CACNA1S: variants seen among roughly 807,000 people sequenced by gnomAD.
CACNA1S encodes the protein calcium voltage-gated channel subunit alpha1 S.
Under a neutral mutation model 207.4 loss-of-function variants are expected in CACNA1S, and 126 were observed. That is an observed-to-expected ratio of 0.61 (90% confidence interval 0.53 to 0.70). CACNA1S has a LOEUF of 0.70. Among genes scored for constraint, CACNA1S ranks in the 30% least tolerant of loss-of-function variants. The pLI is 0.00. For missense variants in CACNA1S, 2,349 were observed against 2,422.8 expected, an observed-to-expected ratio of 0.97 and a Z score of 0.64; for synonymous variants, 960 against 932.7, an observed-to-expected ratio of 1.03 and a Z score of -0.53.
rs371339601 is a variant in CACNA1S at position 201,066,877 on chromosome 1, C to G, written c.2657+10G>C. The G allele has an allele frequency of 1.9e-6, 3 of 1,606,636 alleles. No individual in the cohort carries two copies. Among genetic ancestry groups the G allele is most frequent in the South Asian group, 2.2e-5 (2 of 90,834 alleles). On this transcript the variant is annotated intron_variant, in intron 20 of 43. Coordinates refer to ENST00000362061, the MANE Select transcript of CACNA1S (RefSeq NM_000069.3). The surrounding 1 kb of genome is among the most constrained non-coding windows in gnomAD (Gnocchi z 4.3). ...GTCTGTGCCCAGGGCTGGCCCTTGCCGCTGCTCACTCAAGTCCCATGGAGA... is the reference window on the plus strand; with the variant it reads ...GTCTGTGCCCAGGGCTGGCCCTTGCGGCTGCTCACTCAAGTCCCATGGAGA...
chr1:201,064,315 C>G (rs570832569), intron 22 of CACNA1S, among the ~76,000 whole-genome samples: 1 of 152,184 alleles, frequency 6.6e-6, no homozygotes, highest in African/African-American at 2.4e-5. Context: ...GAAGGCTGCA[C>G]GCAGCTGGCA....
chr1:201,052,750 C>A, intron 31 of CACNA1S, 102 bp from the exon 32 acceptor site: 1 of 968,338 alleles, frequency 1.0e-6, no homozygotes, highest in Admixed American at 1.8e-5. Flanking sequence ...TTCGCCCCTA[C>A]TTCCCCAAAA....
intron 17 of CACNA1S, among the ~76,000 whole-genome samples, chr1:201,069,928 C>A (rs1345521223): frequency 1.3e-5 from 2 of 152,120 alleles, no homozygotes; most frequent in African/African-American, 2.4e-5. Context: ...ACAGATGAAA[C>A]TCCACAGAGA....
chr1:201,098,903 C>G (rs927955788), intron 2 of CACNA1S, among the ~76,000 whole-genome samples: 4 of 152,220 alleles, frequency 2.6e-5, no homozygotes, highest in African/African-American at 9.7e-5. Context: ...CTAACTGGTG[C>G]TCCCTGGGGC....
At chr1:201,112,079 A>C (rs1663135404) in intron 1 of CACNA1S, 109 bp downstream of exon 1, 1 of 1,106,558 alleles carries the variant, frequency 9.0e-7, no homozygotes, top group Non-Finnish European at 1.3e-6. Flanking sequence ...CCCATGTCTA[A>C]GTGCCAGGCC....
In CACNA1S at chr1:201,053,434, G is replaced by C. The variant is rs200703531; in HGVS notation, c.3795+25C>G. The C allele has an allele frequency of 3.6e-5, 58 of 1,614,120 alleles. No homozygotes were observed. The African/African-American group carries it at 5.5e-4, about 15-fold the overall frequency. On this transcript the variant is annotated intron_variant, in intron 30 of 43. Transcript: ENST00000362061. This position sits in a 1 kb window ranked among gnomAD's most constrained non-coding sequence, Gnocchi z 5.1. ...TCCCTAGTGGCCTCCCCAGGTACGT[G>C]CAGTTTCCAGGGTCCCTGTTGCACC... is the stretch of plus-strand genomic sequence containing the variant.
In CACNA1S at chr1:201,085,437, T is replaced by C. The variant is rs544185379; in HGVS notation, c.1149A>G (p.Glu383=). The C allele has an allele frequency of 6.2e-7, 1 of 1,613,640 alleles. No individual in the cohort carries two copies. ...TGACCACAGCCTTTGGGCCCAAACC[T>C]TCTCTGAAGTCCTCAACATCCATGA... ...GEVMDVEDFR[E]GKLSLDEGGS... The change falls in exon 8 of 44, where the codon GAA becomes GAG. Residue 383 remains glutamate, a splice_region_variant and synonymous_variant. Transcript: ENST00000362061.
chr1:201,076,102 A>G (rs1661605711), intron 12 of CACNA1S, among the ~76,000 whole-genome samples: 1 of 152,190 alleles, frequency 6.6e-6, no homozygotes, highest in Non-Finnish European at 1.5e-5. Context: ...CCAGTGATCT[A>G]GAAGCTTATT....
chr1:201,047,418 A>T (rs779902103), intron 37 of CACNA1S, 107 bp downstream of exon 37: 4 of 1,243,430 alleles, frequency 3.2e-6, no homozygotes, highest in Non-Finnish European at 4.7e-6. Context: ...TAAGGCATTT[A>T]TGGAGGATCT....
chr1:201,061,124 G>A lies in CACNA1S; in HGVS notation c.3255+143C>T. The A allele has an allele frequency of 1.2e-5, 9 of 735,404 alleles. No individual in the cohort carries two copies. In the South Asian group the frequency reaches 1.4e-4, roughly 12 times the overall value. The allele number at this position is 735,404 out of a possible 1,614,324, so 45.6% of individuals were successfully genotyped here. A position where few individuals can be genotyped will look rare whatever the true frequency, so the allele number is the denominator to read the frequency against. On this transcript the variant is annotated intron_variant, in intron 25 of 43. Coordinates refer to ENST00000362061, the MANE Select transcript of CACNA1S (RefSeq NM_000069.3). ...TTGCTTCAGTTTGGAGATAGGGTAG[G>A]GTGCATGGAGGCTAGGGCTTGGCAT...
chr1:201,055,738 T>TCAGGTACCTGTACATCAG (rs1259564368), intron 28 of CACNA1S, among the ~76,000 whole-genome samples: 2 of 152,182 alleles, frequency 1.3e-5, no homozygotes, highest in Non-Finnish European at 2.9e-5. Flanking sequence ...ACATCAGGTA[T>TCAGGTACCTGTACATCAG]GTAAATCAAT....
intron 38 of CACNA1S, among the ~76,000 whole-genome samples, chr1:201,045,862 A>G (rs898957360): frequency 2.6e-5 from 4 of 152,172 alleles, no homozygotes; most frequent in African/African-American, 9.6e-5. Context: ...AATACACACA[A>G]TGCCTTGAAA....
chr1:201,058,371 C>T, intron 28 of CACNA1S, 37 bp downstream of exon 28: 2 of 1,559,552 alleles, frequency 1.3e-6, no homozygotes, highest in Non-Finnish European at 1.8e-6. Flanking sequence ...TGCTCTTGGG[C>T]CCACCCTAGT....
chr1:201,054,300 G>C (rs911357728), intron 29 of CACNA1S, among the ~76,000 whole-genome samples: 2 of 152,150 alleles, frequency 1.3e-5, no homozygotes, highest in African/African-American at 4.8e-5. Flanking sequence ...AGGGCTCTGA[G>C]GAAGCCGCTA....
intron 3 of CACNA1S, 96 bp from the exon 4 acceptor site, chr1:201,092,210 T>C: frequency 1.4e-6 from 2 of 1,404,664 alleles, no homozygotes; most frequent in South Asian, 1.2e-5. Context: ...CTTGAGCACC[T>C]GTGGAAAGGC....
At chr1:201,050,913 G>A in intron 33 of CACNA1S, 71 bp downstream of exon 33, 1 of 1,504,350 alleles carries the variant, frequency 6.6e-7, no homozygotes, top group Non-Finnish European at 9.2e-7. Context: ...GCCAGGAAGG[G>A]GCAGGCAGGC....
Position 201,072,838 on chromosome 1 carries a change from C to A in CACNA1S, c.2158-14G>T, listed in dbSNP as rs780867598. The A allele has an allele frequency of 6.2e-7, 1 of 1,606,678 alleles. No homozygotes were observed. The highest frequency in any genetic ancestry group is 8.5e-7 in the Non-Finnish European group (1 of 1,173,292). On this transcript the variant is annotated splice_polypyrimidine_tract_variant and intron_variant, in intron 15 of 43. Coordinates refer to ENST00000362061, the MANE Select transcript of CACNA1S (RefSeq NM_000069.3). ...ATCGATTTTCAGCTGTAGGAAGGAACACAATGACTATAACAATGAAAAAGA... is the reference window on the plus strand; with the variant it reads ...ATCGATTTTCAGCTGTAGGAAGGAAAACAATGACTATAACAATGAAAAAGA...
chr1:201,065,984 C>A, intron 21 of CACNA1S, 39 bp from the exon 22 acceptor site: 1 of 1,406,028 alleles, frequency 7.1e-7, no homozygotes, highest in Non-Finnish European at 1.0e-6. Flanking sequence ...GGGGTGCACC[C>A]ACAGTAACCC....
At chr1:201,043,676 A>C in intron 39 of CACNA1S, 145 bp from the exon 40 acceptor site, 1 of 735,080 alleles carries the variant, frequency 1.4e-6, no homozygotes, top group Non-Finnish European at 2.2e-6. Context: ...CTGAGTGGTG[A>C]GATCAAAAGA....
Sources: gnomAD v4.1 joint callset for allele counts (sites outside exome capture counted in the v4.1 genomes callset) on GRCh38, gnomAD v4.1.1 for gene constraint, Gnocchi (gnomAD v3.1) non-coding constraint, MANE v1.5 for transcripts, NCBI Gene and HGNC (gene_info 2026-07-23, HGNC 2026-07-21) for gene names.